The following MOB1B variants were observed in gnomAD, a reference collection of about 807,000 sequenced individuals.
MOB1B encodes MOB kinase activator 1B, also known as MOB1 Mps One Binder homolog B.
MOB1B carries 19 observed loss-of-function variants against 24.4 expected under a neutral mutation model. The ratio of observed to expected loss-of-function variants is 0.78; its 90% CI spans 0.54 to 1.14. MOB1B has a LOEUF of 1.14. Ranked by LOEUF, MOB1B falls within the 50% of genes most tolerant of loss-of-function variation. MOB1B has a pLI of 0.00. For synonymous variants in MOB1B, 76 were observed against 82.1 expected (o/e 0.93, Z 0.40); for missense variants, 243 against 259.6 (o/e 0.94, Z 0.44).
chr4:70,940,676 ATTTT>A (rs796738977), intron 1 of MOB1B, among the ~76,000 whole-genome samples: 2 of 141,636 alleles, frequency 1.4e-5, no homozygotes, highest in South Asian at 2.2e-4. Flanking sequence ...TAGGGCATTA[ATTTT>A]TTTTTTTTTT....
intron 1 of MOB1B, among the ~76,000 whole-genome samples, chr4:70,947,435 G>A (rs1204383763): frequency 6.6e-6 from 1 of 151,766 alleles, no homozygotes; most frequent in Non-Finnish European, 1.5e-5. Context: ...TGGCTAGTTG[G>A]CTAGGTTTTT....
Position 70,937,709 on chromosome 4 carries a change from T to C in MOB1B, c.15-21165T>C, listed in dbSNP as rs140940842. Among the ~76,000 whole-genome samples the C allele has an allele frequency of 4.2e-3, 641 of 152,116 alleles. 3 individuals carry two copies. Among genetic ancestry groups the C allele is most frequent in the African/African-American group, 0.015 (612 of 41,540 alleles). Reference sequence around the variant, plus strand: ...TATATTTTTAGTAAGGGGAAATTTTTAGTAAGGGGTCTTCCCATGTTGGCC... The same window carrying C: ...TATATTTTTAGTAAGGGGAAATTTTCAGTAAGGGGTCTTCCCATGTTGGCC... On this transcript the variant is annotated intron_variant, in intron 1 of 5. Transcript: ENST00000309395.
intron 2 of MOB1B, among the ~76,000 whole-genome samples, chr4:70,962,166 C>G (rs988227571): frequency 6.6e-6 from 1 of 152,068 alleles, no homozygotes; most frequent in Non-Finnish European, 1.5e-5. Flanking sequence ...CGAGGTTAGC[C>G]TGGGCAGCAT....
At chr4:70,960,419 A>G (rs1259887165) in intron 2 of MOB1B, among the ~76,000 whole-genome samples, 2 of 152,348 alleles carry the variant, frequency 1.3e-5, no homozygotes, top group East Asian at 3.9e-4. Flanking sequence ...TTTAGTAAAA[A>G]TAAAATGAAA....
At chr4:70,913,835 AC>A (rs1364961603) in intron 1 of MOB1B, among the ~76,000 whole-genome samples, 1 of 151,578 alleles carries the variant, frequency 6.6e-6, no homozygotes, top group African/African-American at 2.4e-5. Context: ...CTAAATTGTT[AC>A]TATGATGATT....
chr4:70,928,540 C>T (rs1736748244), intron 1 of MOB1B, among the ~76,000 whole-genome samples: 1 of 151,930 alleles, frequency 6.6e-6, no homozygotes, highest in South Asian at 2.1e-4. Flanking sequence ...CGTGATCCAC[C>T]GCCTCAGCCT....
At position 70,978,098 on chromosome 4, in the gene MOB1B, A is replaced by G. The variant is rs549029468; in HGVS notation, c.410-1030A>G. On this transcript the variant is annotated intron_variant, in intron 4 of 5. Transcript: ENST00000309395. ...TTCTGTCCTTTCACTTAGCTCCACC[A>G]CTCCCCCTGGTAGTCACTGTTTTAT... Among the ~76,000 whole-genome samples, 12 of 151,132 alleles carry G rather than the reference A, an allele frequency of 7.9e-5. No individual in the cohort carries two copies. In the South Asian group the frequency reaches 2.5e-3, roughly 32 times the overall value.
intron 1 of MOB1B, among the ~76,000 whole-genome samples, chr4:70,915,775 G>A (rs190602041): frequency 3.9e-5 from 6 of 151,974 alleles, no homozygotes; most frequent in African/African-American, 1.4e-4. Flanking sequence ...CTGGCTTGAG[G>A]CATAGTCCCT....
chr4:70,957,325 T>C (rs2148893179), intron 1 of MOB1B, among the ~76,000 whole-genome samples: 1 of 150,542 alleles, frequency 6.6e-6, no homozygotes, highest in South Asian at 2.1e-4. Flanking sequence ...TTTTCCAGTC[T>C]GTTCCTTTTC....
intron 1 of MOB1B, among the ~76,000 whole-genome samples, chr4:70,943,972 C>T (rs1019013778): frequency 6.6e-6 from 1 of 151,550 alleles, no homozygotes; most frequent in African/African-American, 2.4e-5. Context: ...ACACAGATCA[C>T]AATTTTAATA....
At chr4:70,941,673 T>G (rs1393140515) in intron 1 of MOB1B, among the ~76,000 whole-genome samples, 1 of 152,220 alleles carries the variant, frequency 6.6e-6, no homozygotes, top group African/African-American at 2.4e-5. Flanking sequence ...CTTACTCTGT[T>G]CCATCCTTCC....
At chr4:70,959,826 A>G (rs1034304498) in intron 2 of MOB1B, among the ~76,000 whole-genome samples, 29 of 152,150 alleles carry the variant, frequency 1.9e-4, no homozygotes, top group Admixed American at 6.6e-5. Flanking sequence ...GTCAACCACT[A>G]TACTAAATTG....
intron 1 of MOB1B, among the ~76,000 whole-genome samples, chr4:70,939,708 G>A (rs1010675608): frequency 6.6e-6 from 1 of 152,226 alleles, no homozygotes; most frequent in Non-Finnish European, 1.5e-5. Context: ...TACAGGGAGT[G>A]TGCAGTGCTG....
intron 1 of MOB1B, among the ~76,000 whole-genome samples, chr4:70,922,370 A>G (rs1736470259): frequency 6.6e-6 from 1 of 152,254 alleles, no homozygotes; most frequent in African/African-American, 2.4e-5. Flanking sequence ...TTTTACTTTT[A>G]ACAAGGGAGA....
intron 1 of MOB1B, among the ~76,000 whole-genome samples, chr4:70,909,556 A>G (rs910687022): frequency 4.6e-5 from 7 of 152,268 alleles, no homozygotes; most frequent in Middle Eastern, 3.4e-3. Flanking sequence ...AGTGTTTACT[A>G]TGTGCCAGGG....
At chr4:70,951,326 T>C (rs1737794835) in intron 1 of MOB1B, among the ~76,000 whole-genome samples, 1 of 152,142 alleles carries the variant, frequency 6.6e-6, no homozygotes, top group Non-Finnish European at 1.5e-5. Context: ...GCCACTGTTT[T>C]AGAGTCTCAA....
intron 5 of MOB1B, among the ~76,000 whole-genome samples, chr4:70,979,940 G>A (rs963419940): frequency 3.5e-4 from 53 of 152,180 alleles, no homozygotes; most frequent in Non-Finnish European, 3.1e-4. Flanking sequence ...GAAATAACAG[G>A]CAAAAATGAA....
chr4:70,913,156 T>C (rs1457328058), intron 1 of MOB1B, among the ~76,000 whole-genome samples: 1 of 152,238 alleles, frequency 6.6e-6, no homozygotes, highest in Non-Finnish European at 1.5e-5. Flanking sequence ...CATTCCTCGC[T>C]TTGGGTTTCT....
upstream of MOB1B, chr4:70,902,307 C>G: frequency 1.7e-6 from 1 of 595,312 alleles, no homozygotes; most frequent in Admixed American, 2.6e-5. Context: ...GCCTCCCTTT[C>G]CTTCCCCTCC....
Sources: gnomAD v4.1 joint callset for allele counts (sites outside exome capture counted in the v4.1 genomes callset) on GRCh38, gnomAD v4.1.1 for gene constraint, MANE v1.5 for transcripts, NCBI Gene and HGNC (gene_info 2026-07-23, HGNC 2026-07-21) for gene names.